Variants in ACTR3C observed in about 807,000 individuals in gnomAD.
The protein encoded by ACTR3C is actin related protein 3C, also known as actin-related protein 3C.
ACTR3C carries 18 observed loss-of-function variants against 26.3 expected under a neutral mutation model. That is an observed-to-expected ratio of 0.68 (90% CI 0.47 to 1.01). The LOEUF (loss-of-function observed/expected upper bound fraction) is 1.01, where lower values mean the gene tolerates loss of function less well. Ranked by LOEUF, ACTR3C falls within the 50% of genes least tolerant of loss-of-function variation. ACTR3C has a pLI of 0.00. For synonymous variants in ACTR3C, 55 were observed against 94.5 expected (o/e 0.58, Z 2.42); for missense variants, 184 against 250.7 (o/e 0.73, Z 1.80).
intron 6 of ACTR3C, among the ~76,000 whole-genome samples, chr7:150,283,727 G>A (rs904677943): frequency 7.9e-5 from 12 of 151,134 alleles, no homozygotes; most frequent in Admixed American, 1.3e-4. Flanking sequence ...AGTATTCCAC[G>A]GCACAGGTGA....
the ACTR3C span, among the ~76,000 whole-genome samples, chr7:150,117,855 TG>T: frequency 6.6e-6 from 1 of 152,172 alleles, no homozygotes; most frequent in African/African-American, 2.4e-5. Context: ...ATCTGGTGGG[TG>T]CCCCTCTGGG....
the ACTR3C span, among the ~76,000 whole-genome samples, chr7:150,029,827 T>C: frequency 1.1e-4 from 16 of 152,136 alleles, no homozygotes; most frequent in Admixed American, 3.3e-4. Flanking sequence ...CCTCCCTGAA[T>C]ACTCTGAGCT....
chr7:150,287,637 G>A (rs781668750), intron 4 of ACTR3C, among the ~76,000 whole-genome samples: 65 of 152,190 alleles, frequency 4.3e-4, no homozygotes, highest in Admixed American at 7.2e-4. Flanking sequence ...AGACGCTCTC[G>A]TGGTATTAAG....
chr7:150,160,661 T>C, the ACTR3C span, among the ~76,000 whole-genome samples: 9 of 152,062 alleles, frequency 5.9e-5, no homozygotes, highest in African/African-American at 2.2e-4. Flanking sequence ...GAAGGCATTA[T>C]ATAAGGATTG....
chr7:150,025,931 A>G, the ACTR3C span, among the ~76,000 whole-genome samples: 150,226 of 152,066 alleles, frequency 0.99, 74,236 homozygotes, highest in East Asian at 1. Flanking sequence ...AGAAACACGT[A>G]AATTCTCACC....
At chr7:150,210,456 C>A in the ACTR3C span, among the ~76,000 whole-genome samples, 1 of 148,062 alleles carries the variant, frequency 6.8e-6, no homozygotes, top group Non-Finnish European at 1.5e-5. Context: ...TGGTAATAGC[C>A]CAAAATTTGA....
chr7:150,132,586 G>C, the ACTR3C span, among the ~76,000 whole-genome samples: 17 of 152,084 alleles, frequency 1.1e-4, no homozygotes, highest in Admixed American at 5.9e-4. Flanking sequence ...ATACCAACTC[G>C]ATGGTTTTTT....
the ACTR3C span, among the ~76,000 whole-genome samples, chr7:149,933,455 T>C: frequency 6.6e-6 from 1 of 152,208 alleles, no homozygotes; most frequent in Non-Finnish European, 1.5e-5. Context: ...AGAACAGATA[T>C]GTCTCTCTAA....
the ACTR3C span, among the ~76,000 whole-genome samples, chr7:149,952,753 C>G: frequency 6.6e-6 from 1 of 150,970 alleles, no homozygotes; most frequent in African/African-American, 2.5e-5. Flanking sequence ...TCAAAAAATG[C>G]AAATTAGTAG....
chr7:150,180,740 G>A, the ACTR3C span, among the ~76,000 whole-genome samples: 679 of 149,252 alleles, frequency 4.5e-3, 37 homozygotes, highest in East Asian at 0.11. Flanking sequence ...TCTATCTCCT[G>A]ACCTCGTGAT....
the ACTR3C span, among the ~76,000 whole-genome samples, chr7:149,959,361 C>A: frequency 6.6e-6 from 1 of 152,138 alleles, no homozygotes; most frequent in Non-Finnish European, 1.5e-5. Flanking sequence ...CTCACTGTAA[C>A]CCTGTCTTCA....
chr7:150,041,210 C>G, the ACTR3C span, among the ~76,000 whole-genome samples: 151 of 148,916 alleles, frequency 1.0e-3, no homozygotes, highest in African/African-American at 3.8e-3. Flanking sequence ...GGTCCCCGAC[C>G]CCTTTGTGAC....
At chr7:150,134,149 A>G in the ACTR3C span, among the ~76,000 whole-genome samples, 1 of 152,038 alleles carries the variant, frequency 6.6e-6, no homozygotes, top group African/African-American at 2.4e-5. Flanking sequence ...CAACACAAGT[A>G]TACATATGTA....
chr7:150,028,399 C>T, the ACTR3C span, among the ~76,000 whole-genome samples: 90 of 152,378 alleles, frequency 5.9e-4, no homozygotes, highest in African/African-American at 1.9e-3. Flanking sequence ...TGTAAGTGCA[C>T]GGGAGATCAA....
the ACTR3C span, among the ~76,000 whole-genome samples, chr7:149,996,581 A>G: frequency 6.6e-6 from 1 of 152,042 alleles, no homozygotes; most frequent in Non-Finnish European, 1.5e-5. Context: ...GTTCTGGTAA[A>G]AAAATAAATA....
the ACTR3C span, chr7:150,003,125 G>T: frequency 6.6e-6 from 1 of 152,108 alleles, no homozygotes; most frequent in Non-Finnish European, 1.5e-5. Flanking sequence ...AGCCTCAACA[G>T]AAGTTTGTGT....
chr7:149,914,299 T>C, the ACTR3C span, among the ~76,000 whole-genome samples: 2 of 151,650 alleles, frequency 1.3e-5, no homozygotes, highest in Admixed American at 1.3e-4. Context: ...AATTAAGAAG[T>C]AGTGAAAAAA....
chr7:150,230,938 GCATTT>G, the ACTR3C span, among the ~76,000 whole-genome samples: 24 of 152,046 alleles, frequency 1.6e-4, no homozygotes, highest in African/African-American at 5.8e-4. Flanking sequence ...TTAAAGAACA[GCATTT>G]CATTTCTTTG....
the ACTR3C span, among the ~76,000 whole-genome samples, chr7:150,134,893 C>T: frequency 6.6e-6 from 1 of 152,156 alleles, no homozygotes; most frequent in African/African-American, 2.4e-5. Context: ...AAATGAACAC[C>T]GGCCCCATCT....
Sources: gnomAD v4.1 joint callset for allele counts (sites outside exome capture counted in the v4.1 genomes callset) on GRCh38, gnomAD v4.1.1 for gene constraint, MANE v1.5 for transcripts, NCBI Gene and HGNC (gene_info 2026-07-23, HGNC 2026-07-21) for gene names.